Variants in NRG2 observed in about 807,000 individuals in gnomAD.
NRG2 encodes neuregulin 2.
NRG2 carries 27 observed loss-of-function variants against 73.9 expected under a neutral mutation model. The ratio of observed to expected loss-of-function variants is 0.37; its 90% confidence interval spans 0.27 to 0.50. NRG2 has a LOEUF of 0.50. Among genes scored for constraint, NRG2 ranks in the 20% least tolerant of loss-of-function variants. The pLI, the probability that NRG2 is intolerant of heterozygous loss-of-function variation, is 0.96. For synonymous variants in NRG2, 532 were observed against 541.0 expected (o/e 0.98, Z 0.23); for missense variants, 1,126 against 1,210.1 (o/e 0.93, Z 1.03).
chr5:140,014,236 T>A (rs1561752997), intron 1 of NRG2, among the ~76,000 whole-genome samples: 1 of 151,210 alleles, frequency 6.6e-6, no homozygotes, highest in African/African-American at 2.5e-5. Flanking sequence ...AAGCTTGGAT[T>A]TTTTTTTCCT....
chr5:139,990,547 C>A (rs987873624), intron 1 of NRG2, among the ~76,000 whole-genome samples: 1 of 152,132 alleles, frequency 6.6e-6, no homozygotes, highest in Non-Finnish European at 1.5e-5. Flanking sequence ...CTCAAGTGAT[C>A]CACCTGACTT....
chr5:139,887,429 G>T lies in NRG2; in HGVS notation c.783C>A (p.Ala261=), dbSNP rs371544327. Residue 261 remains alanine, a synonymous_variant, in exon 2 of 10, where the codon GCC becomes GCA. Transcript: ENST00000361474. This position sits in a 1 kb window ranked among gnomAD's most constrained non-coding sequence, Gnocchi z 4.5. ...EKQSLKCEAA[A]GNPQPSYRWF... ...AACGGTAGGAAGGCTGGGGATTACC[G>T]GCTGCTGCCTCACACTTCAGCGATT... 1.2e-6 allele frequency: 2 copies of T among 1,614,114 alleles called. No individual in the cohort carries two copies. Among genetic ancestry groups the T allele is most frequent in the Non-Finnish European group, 1.7e-6 (2 of 1,180,050 alleles).
intron 1 of NRG2, among the ~76,000 whole-genome samples, chr5:139,945,393 C>T (rs1753731069): frequency 1.3e-5 from 2 of 152,012 alleles, no homozygotes; most frequent in South Asian, 4.1e-4. Context: ...ACATTTAGGT[C>T]TTTATTGAAA....
intron 1 of NRG2, among the ~76,000 whole-genome samples, chr5:139,895,604 C>A (rs1764499121): frequency 6.6e-6 from 1 of 152,198 alleles, no homozygotes. Flanking sequence ...CCCAGTCTCC[C>A]AATTTCTCAA....
chr5:139,857,631 A>G (rs557077259), intron 5 of NRG2, among the ~76,000 whole-genome samples: 1 of 151,908 alleles, frequency 6.6e-6, no homozygotes, highest in South Asian at 2.1e-4. Context: ...CAGGCATTTA[A>G]TCAGTTGCAT....
At chr5:139,889,425 G>A (rs1010995445) in intron 1 of NRG2, among the ~76,000 whole-genome samples, 1 of 152,016 alleles carries the variant, frequency 6.6e-6, no homozygotes, top group Non-Finnish European at 1.5e-5. Flanking sequence ...TCTAACTTCT[G>A]GCCACAACCA....
intron 1 of NRG2, among the ~76,000 whole-genome samples, chr5:139,922,311 A>C (rs892446182): frequency 7.9e-5 from 12 of 152,218 alleles, no homozygotes; most frequent in African/African-American, 1.4e-4. Context: ...TGCCTTACCA[A>C]AGAAAATATA....
At chr5:139,866,183 GTT>G (rs1362929114) in intron 4 of NRG2, among the ~76,000 whole-genome samples, 3 of 152,168 alleles carry the variant, frequency 2.0e-5, no homozygotes, top group African/African-American at 7.2e-5. Context: ...CCTAAGAGAT[GTT>G]TTATCTGTTC....
chr5:139,953,763 A>G (rs1258560806), intron 1 of NRG2, among the ~76,000 whole-genome samples: 3 of 152,120 alleles, frequency 2.0e-5, no homozygotes, highest in Admixed American at 2.0e-4. Flanking sequence ...TGAGAGGGAG[A>G]AGGAAAGACA....
intron 1 of NRG2, among the ~76,000 whole-genome samples, chr5:139,924,004 G>A (rs1257548018): frequency 2.0e-5 from 3 of 149,922 alleles, no homozygotes; most frequent in Non-Finnish European, 4.4e-5. Flanking sequence ...ACTATGCCAA[G>A]GAGTTTCCAG....
At chr5:139,862,813 T>C (rs1762241616) in intron 5 of NRG2, among the ~76,000 whole-genome samples, 1 of 152,268 alleles carries the variant, frequency 6.6e-6, no homozygotes, top group African/African-American at 2.4e-5. Context: ...TGTGCTCTTT[T>C]ACATGGGGAC....
rs1763948091 is a variant in NRG2, at chr5:139,887,553, G to A, written c.701-42C>T. ...AGGTAGGTGAGCACGGTGGTGGTAG[G>A]GGCAGTGCCAAGCATGAGTAGTGGA... On this transcript the variant is annotated intron_variant, in intron 1 of 9. Coordinates refer to ENST00000361474, the MANE Select transcript of NRG2 (RefSeq NM_004883.3). The surrounding 1 kb of genome is among the most constrained non-coding windows in gnomAD (Gnocchi z 4.5). 6.3e-7 allele frequency: 1 copy of A among 1,592,458 alleles called. No individual in the cohort carries two copies. The highest frequency in any genetic ancestry group is 1.7e-5 in the Admixed American group (1 of 59,020).
intron 1 of NRG2, among the ~76,000 whole-genome samples, chr5:139,934,260 A>G (rs950970246): frequency 2.0e-5 from 3 of 152,254 alleles, no homozygotes; most frequent in Non-Finnish European, 4.4e-5. Context: ...TATGTTTAAA[A>G]TCTCTTTAAA....
chr5:139,925,707 G>C (rs1279697275), intron 1 of NRG2, among the ~76,000 whole-genome samples: 1 of 152,248 alleles, frequency 6.6e-6, no homozygotes, highest in African/African-American at 2.4e-5. Flanking sequence ...CAGGCCCTGG[G>C]ATGTACAACC....
chr5:139,885,419 C>G (rs779582163), intron 2 of NRG2, among the ~76,000 whole-genome samples: 24 of 152,268 alleles, frequency 1.6e-4, no homozygotes, highest in Non-Finnish European at 2.9e-4. Context: ...TCTCCAGGAC[C>G]ACAGCCATCG....
intron 1 of NRG2, among the ~76,000 whole-genome samples, chr5:139,930,210 C>G (rs1305425463): frequency 1.3e-5 from 2 of 152,190 alleles, no homozygotes; most frequent in East Asian, 1.9e-4. Flanking sequence ...GAACTTGTCT[C>G]TTTCAACAAA....
In NRG2 at chr5:139,870,514, TC is replaced by T. The variant is rs1173520300; in HGVS notation, c.1112+1206del. On this transcript the variant is annotated intron_variant, in intron 4 of 9. Transcript: ENST00000361474. This position sits in a 1 kb window ranked among gnomAD's most constrained non-coding sequence, Gnocchi z 4.4. ...GTGTGCCCAGGAAGGGGGCTGTGGA[TC>T]TAGAGCGGGAGATCAGAGGCAGGGG... Among the ~76,000 whole-genome samples the T allele has an allele frequency of 6.6e-6, 1 of 152,090 alleles. No individual in the cohort carries two copies. Among genetic ancestry groups the T allele is most frequent in the African/African-American group, 2.4e-5 (1 of 41,400 alleles).
chr5:139,909,532 C>A (rs1167642321), intron 1 of NRG2, among the ~76,000 whole-genome samples: 2 of 152,204 alleles, frequency 1.3e-5, no homozygotes, highest in African/African-American at 4.8e-5. Flanking sequence ...CAGTTGAAGA[C>A]ATCCCTGAGC....
intron 1 of NRG2, among the ~76,000 whole-genome samples, chr5:140,013,731 A>G (rs547908437): frequency 6.6e-6 from 1 of 152,130 alleles, no homozygotes; most frequent in Non-Finnish European, 1.5e-5. Flanking sequence ...TGTTCTTGTC[A>G]AAATCCCCAA....
Sources: allele counts gnomAD v4.1 joint callset (sites outside exome capture counted in the v4.1 genomes callset), GRCh38; gene constraint gnomAD v4.1.1; non-coding constraint Gnocchi (gnomAD v3.1); transcripts MANE v1.5; gene names NCBI Gene and HGNC (gene_info 2026-07-23, HGNC 2026-07-21).